CDKN1A: variants seen among roughly 807,000 people sequenced by gnomAD.
The protein encoded by CDKN1A is cyclin-dependent kinase inhibitor 1.
CDKN1A carries 14 observed loss-of-function variants against 14.8 expected under a neutral mutation model. The ratio of observed to expected loss-of-function variants is 0.94; its 90% CI spans 0.62 to 1.48. The LOEUF (loss-of-function observed/expected upper bound fraction) is 1.48. Ranked by LOEUF, CDKN1A falls within the 40% of genes most tolerant of loss-of-function variation. The pLI is 0.00. For missense variants in CDKN1A, 203 were observed against 231.7 expected, an observed-to-expected ratio of 0.88 and a Z score of 0.80; for synonymous variants, 92 against 93.5, an observed-to-expected ratio of 0.98 and a Z score of 0.09.
In CDKN1A at chr6:36,686,645, C is replaced by T. The variant is rs139090547; in HGVS notation, c.*845C>T. 1.7e-4 allele frequency: 39 copies of T among 234,028 alleles called. No homozygotes were observed. In the East Asian group the frequency reaches 2.0e-3, roughly 12 times the overall value. 14.5% of individuals were successfully genotyped at this position (234,028 alleles called of 1,614,324 possible). ...CCTTGTCCTTTCCCTTCAGTACCCT[C>T]TCAGCTCCAGGTGGCTCTGAGGTGC... On this transcript the variant is annotated 3_prime_UTR_variant, in exon 3 of 3. Coordinates refer to ENST00000244741, the MANE Select transcript of CDKN1A (RefSeq NM_000389.5). The surrounding 1 kb of genome is among the most constrained non-coding windows in gnomAD (Gnocchi z 4.9).
In CDKN1A at chr6:36,678,843, C is replaced by T; in HGVS notation, c.-6+45C>T. 1.0e-6 allele frequency: 1 copy of T among 985,746 alleles called. No individual in the cohort carries two copies. The highest frequency in any genetic ancestry group is 1.2e-6 in the Non-Finnish European group (1 of 830,178). The allele number at this position is 985,746 out of a possible 1,614,324, so 61.1% of individuals were successfully genotyped here. On this transcript the variant is annotated intron_variant, in intron 1 of 2. Coordinates refer to ENST00000244741, the MANE Select transcript of CDKN1A (RefSeq NM_000389.5). This position sits in a 1 kb window ranked among gnomAD's most constrained non-coding sequence, Gnocchi z 5.7. ...CAACAGGGGACCCCGGGCCGGCGGC[C>T]CAGAGCCGAGCCAAGCGTGCCCGCG... is the stretch of plus-strand genomic sequence containing the variant.
rs1762196618 is a variant in CDKN1A, at chr6:36,686,124, T to C, written c.*324T>C. The C allele has an allele frequency of 2.1e-6, 1 of 471,368 alleles. No individual in the cohort carries two copies. The highest frequency in any genetic ancestry group is 3.9e-6 in the Non-Finnish European group (1 of 257,958). 29.2% of individuals were successfully genotyped at this position (471,368 alleles called of 1,614,324 possible). A position where few individuals can be genotyped will look rare whatever the true frequency, so the allele number is the denominator to read the frequency against. The stretch of plus-strand genomic sequence containing the variant: ...GGTGGGCCGGCTTCATGCCAGCTAC[T>C]TCCTCCTCCCCACTTGTCCGCTGGG... On this transcript the variant is annotated 3_prime_UTR_variant, in exon 3 of 3. Transcript: ENST00000244741. This position sits in a 1 kb window ranked among gnomAD's most constrained non-coding sequence, Gnocchi z 4.9.
intron 1 of CDKN1A, chr6:36,680,334 G>C (rs981173170): frequency 1.3e-5 from 2 of 151,722 alleles, no homozygotes; most frequent in Non-Finnish European, 2.9e-5. Flanking sequence ...GTGTGTGTGT[G>C]TGTGTGTGTG....
Position 36,686,005 on chromosome 6 carries a change from G to C in CDKN1A, c.*205G>C. 4.8e-6 allele frequency: 3 copies of C among 621,588 alleles called. No homozygotes were observed. The highest frequency in any genetic ancestry group is 3.7e-5 in the South Asian group (2 of 53,822). 38.5% of individuals were successfully genotyped at this position (621,588 alleles called of 1,614,324 possible). ...AAACAAAAACTAGGCGGTTGAATGA[G>C]AGGTTCCTAAGAGTGCTGGGCATTT... On this transcript the variant is annotated 3_prime_UTR_variant, in exon 3 of 3. Coordinates refer to ENST00000244741, the MANE Select transcript of CDKN1A (RefSeq NM_000389.5). This position sits in a 1 kb window ranked among gnomAD's most constrained non-coding sequence, Gnocchi z 4.9.
At position 36,684,010 on chromosome 6, in the gene CDKN1A, A is replaced by T; in HGVS notation, c.-5-87A>T. Reference sequence around the variant, plus strand: ...AGAGACCCTCTGGTAGGAAGACGTCACCTGAGGTGACACAGCAAAGCCCGG... The same window carrying T: ...AGAGACCCTCTGGTAGGAAGACGTCTCCTGAGGTGACACAGCAAAGCCCGG... On this transcript the variant is annotated intron_variant, in intron 1 of 2. Transcript: ENST00000244741. The surrounding 1 kb of genome is among the most constrained non-coding windows in gnomAD (Gnocchi z 6.0). 7.8e-7 allele frequency: 1 copy of T among 1,290,160 alleles called. No homozygotes were observed. The highest frequency in any genetic ancestry group is 1.1e-6 in the Non-Finnish European group (1 of 914,580). The allele number at this position is 1,290,160 out of a possible 1,614,324, so 79.9% of individuals were successfully genotyped here.
Position 36,684,038 on chromosome 6 carries a change from A to G in CDKN1A, c.-5-59A>G. ...TGAGGTGACACAGCAAAGCCCGGCC[A>G]GGTAACATAGTGTCTAATCTCCGCC... On this transcript the variant is annotated intron_variant, in intron 1 of 2. Transcript: ENST00000244741. The surrounding 1 kb of genome is among the most constrained non-coding windows in gnomAD (Gnocchi z 6.0). The G allele has an allele frequency of 6.5e-7, 1 of 1,537,776 alleles. No homozygotes were observed. The highest frequency in any genetic ancestry group is 8.9e-7 in the Non-Finnish European group (1 of 1,123,958).
At position 36,684,695 on chromosome 6, in the gene CDKN1A, C is replaced by T. The variant is rs373224871; in HGVS notation, c.445+149C>T. On this transcript the variant is annotated intron_variant, in intron 2 of 2. Transcript: ENST00000244741. The surrounding 1 kb of genome is among the most constrained non-coding windows in gnomAD (Gnocchi z 6.0). ...GGGAAGCAACCTCCCTGAGGTCACA[C>T]AGCAAGTAGGCAGCAAAGACCAACT... 1,376 of 742,962 alleles carry T rather than the reference C, an allele frequency of 1.9e-3. 1 individual carries two copies. The highest frequency in any genetic ancestry group is 2.6e-3 in the Non-Finnish European group (1,102 of 430,498). 46.0% of individuals were successfully genotyped at this position (742,962 alleles called of 1,614,324 possible).
In CDKN1A at chr6:36,684,554, C is replaced by A. The variant is rs1377100163; in HGVS notation, c.445+8C>A. 6.2e-7 allele frequency: 1 copy of A among 1,613,338 alleles called. No homozygotes were observed. The highest frequency in any genetic ancestry group is 1.1e-5 in the South Asian group (1 of 91,060). ...GGCAGACCAGCATGACAGGTGCGGA[C>A]ATGTGCACGGAAGGACTTTGTAAGG... is the stretch of plus-strand genomic sequence containing the variant. On this transcript the variant is annotated splice_region_variant and intron_variant, in intron 2 of 2. Coordinates refer to ENST00000244741, the MANE Select transcript of CDKN1A (RefSeq NM_000389.5). This position sits in a 1 kb window ranked among gnomAD's most constrained non-coding sequence, Gnocchi z 6.0.
intron 1 of CDKN1A, chr6:36,682,777 C>A (rs370086548): frequency 2.6e-5 from 4 of 152,282 alleles, no homozygotes; most frequent in African/African-American, 9.6e-5. Context: ...TCCGTTTTCC[C>A]TCTCCTGAAG....
At chr6:36,681,328 C>CTT (rs769239783) in intron 1 of CDKN1A, among the ~76,000 whole-genome samples, 157 of 100,948 alleles carry the variant, frequency 1.6e-3, no homozygotes, top group South Asian at 4.0e-3. Context: ...TTCTTTCTTT[C>CTT]TTTCTTTTTC....
chr6:36,677,845 A>T, upstream of CDKN1A: 4 of 1,364,236 alleles, frequency 2.9e-6, no homozygotes, highest in Non-Finnish European at 3.9e-6. Context: ...CTATGTGGGG[A>T]GTATTCAGGA....
rs964412807 is a variant in CDKN1A at position 36,678,849 on chromosome 6, C to A, written c.-6+51C>A. On this transcript the variant is annotated intron_variant, in intron 1 of 2. Transcript: ENST00000244741. The surrounding 1 kb of genome is among the most constrained non-coding windows in gnomAD (Gnocchi z 5.7). ...GGGACCCCGGGCCGGCGGCCCAGAG[C>A]CGAGCCAAGCGTGCCCGCGTGTGTC... 1.0e-6 allele frequency: 1 copy of A among 985,726 alleles called. No individual in the cohort carries two copies. Among genetic ancestry groups the A allele is most frequent in the Non-Finnish European group, 1.2e-6 (1 of 830,144 alleles). 61.1% of individuals were successfully genotyped at this position (985,726 alleles called of 1,614,324 possible).
At position 36,684,415 on chromosome 6, in the gene CDKN1A, C is replaced by T. The variant is rs775620660; in HGVS notation, c.314C>T (p.Thr105Ile). The change falls in exon 2 of 3, where the codon ACA becomes ATA. Residue 105 changes from threonine (T) to isoleucine (I), a missense_variant. By Grantham distance (89) the Thr-to-Ile change is moderately conservative. Coordinates refer to ENST00000244741, the MANE Select transcript of CDKN1A (RefSeq NM_000389.5). This position sits in a 1 kb window ranked among gnomAD's most constrained non-coding sequence, Gnocchi z 6.0. ...ACCTCACCTGCTCTGCTGCAGGGGA[C>T]AGCAGAGGAAGACCATGTGGACCTG... ...PGTSPALLQG[T>I]AEEDHVDLSL... The T allele has an allele frequency of 3.1e-6, 5 of 1,613,676 alleles. No homozygotes were observed. The Admixed American group carries it at 8.3e-5, about 27-fold the overall frequency.
At chr6:36,679,582 T>C (rs1761829877) in intron 1 of CDKN1A, among the ~76,000 whole-genome samples, 1 of 152,224 alleles carries the variant, frequency 6.6e-6, no homozygotes, top group Non-Finnish European at 1.5e-5. Flanking sequence ...CCTATTTGGC[T>C]GGAACAGTTT....
At chr6:36,681,411 T>TTCTTTCTTTCTTTCTTTCTCTTTC (rs1554185412) in intron 1 of CDKN1A, among the ~76,000 whole-genome samples, 10 of 88,872 alleles carry the variant, frequency 1.1e-4, no homozygotes, top group East Asian at 2.8e-4. Flanking sequence ...CTTTCTTCCT[T>TTCTTTCTTTCTTTCTTTCTCTTTC]TCTCTTTCTC....
chr6:36,684,580 G>A lies in CDKN1A; in HGVS notation c.445+34G>A, dbSNP rs772179941. ...ATGTGCACGGAAGGACTTTGTAAGGGACCAGGATTCTCAGAATCCATGGTC... is the reference window on the plus strand; with the variant it reads ...ATGTGCACGGAAGGACTTTGTAAGGAACCAGGATTCTCAGAATCCATGGTC... On this transcript the variant is annotated intron_variant, in intron 2 of 2. Coordinates refer to ENST00000244741, the MANE Select transcript of CDKN1A (RefSeq NM_000389.5). This position sits in a 1 kb window ranked among gnomAD's most constrained non-coding sequence, Gnocchi z 6.0. 5 of 1,592,840 alleles carry A rather than the reference G, an allele frequency of 3.1e-6. No individual in the cohort carries two copies.
chr6:36,681,461 C>T (rs1197829981), intron 1 of CDKN1A, among the ~76,000 whole-genome samples: 1 of 145,232 alleles, frequency 6.9e-6, no homozygotes, highest in East Asian at 2.0e-4. Context: ...TTTCTTTCGA[C>T]AGAGTTGCAC....
In CDKN1A at chr6:36,685,701, G is replaced by A. The variant is rs374049839; in HGVS notation, c.446-50G>A. ...CTGTCTTCCTCAGTTGGGCAGCTCC[G>A]CCGCGTCCTCTTCTTCTTGGCCTGG... On this transcript the variant is annotated intron_variant, in intron 2 of 2. Coordinates refer to ENST00000244741, the MANE Select transcript of CDKN1A (RefSeq NM_000389.5). 3.1e-6 allele frequency: 5 copies of A among 1,601,684 alleles called. No homozygotes were observed. The South Asian group carries it at 3.3e-5, about 11-fold the overall frequency.
At chr6:36,677,494 T>C (rs565928059), upstream of CDKN1A, 202 of 200,984 alleles carry the variant, frequency 1.0e-3, no homozygotes, top group African/African-American at 4.7e-3. Context: ...TGCAAATGTT[T>C]CAGGCACAGA....
Sources: allele counts gnomAD v4.1 joint callset (sites outside exome capture counted in the v4.1 genomes callset), GRCh38; gene constraint gnomAD v4.1.1; non-coding constraint Gnocchi (gnomAD v3.1); transcripts MANE v1.5; gene names NCBI Gene and HGNC (gene_info 2026-07-23, HGNC 2026-07-21).